CACNA1A: variants seen among roughly 807,000 people sequenced by gnomAD.
CACNA1A encodes voltage-dependent P/Q-type calcium channel subunit alpha-1A.
CACNA1A carries 57 observed loss-of-function variants against 262.4 expected under a neutral mutation model. The observed-to-expected ratio is 0.22, with a 90% confidence interval of 0.18 to 0.27. The LOEUF is 0.27. Ranked by LOEUF, CACNA1A falls within the 10% of genes least tolerant of loss-of-function variation. The probability of loss-of-function intolerance (pLI) is 1.00; values close to 1 mark genes in which losing one functional copy is unlikely to be tolerated. For synonymous variants in CACNA1A, 1,431 were observed against 1,419.3 expected (o/e 1.01, Z -0.18); for missense variants, 2,526 against 3,562.8 (o/e 0.71, Z 7.41).
At chr19:13,447,601 A>C (rs1156610432) in intron 3 of CACNA1A, among the ~76,000 whole-genome samples, 1 of 152,222 alleles carries the variant, frequency 6.6e-6, no homozygotes, top group Admixed American at 6.5e-5. Context: ...AAGGATGAAG[A>C]GCAAGGAAGC....
intron 30 of CACNA1A, among the ~76,000 whole-genome samples, chr19:13,246,154 A>G (rs918115665): frequency 6.6e-6 from 1 of 152,188 alleles, no homozygotes; most frequent in South Asian, 2.1e-4. Context: ...CTCTGCTACC[A>G]CAGCTGTGTG....
chr19:13,359,048 C>T (rs562405079), intron 6 of CACNA1A, among the ~76,000 whole-genome samples: 73 of 152,284 alleles, frequency 4.8e-4, no homozygotes, highest in African/African-American at 1.7e-3. Context: ...AGTTGGGTTA[C>T]GAACAGATCC....
chr19:13,501,155 A>C (rs548889659), intron 1 of CACNA1A, among the ~76,000 whole-genome samples: 1 of 151,718 alleles, frequency 6.6e-6, no homozygotes, highest in South Asian at 2.1e-4. Flanking sequence ...GTATGTCAAA[A>C]GGGTGAATTT....
chr19:13,434,264 C>T (rs539966023), intron 3 of CACNA1A, among the ~76,000 whole-genome samples: 1 of 152,162 alleles, frequency 6.6e-6, no homozygotes, highest in Non-Finnish European at 1.5e-5. Context: ...TCAAGTGATC[C>T]TCCTGTCTCG....
chr19:13,330,280 C>T lies in CACNA1A; in HGVS notation c.1309G>A (p.Glu437Lys). 1 of 1,562,848 alleles carries T rather than the reference C, an allele frequency of 6.4e-7. No homozygotes were observed. The highest frequency in any genetic ancestry group is 8.7e-7 in the Non-Finnish European group (1 of 1,152,654). Residue 437 changes from glutamate to lysine, a missense_variant, in exon 10 of 47, where the codon GAG (glutamate) becomes AAG (lysine). By Grantham distance (56) the Glu-to-Lys change is moderately conservative. Transcript: ENST00000360228. ...ATATCAGCCAGCTGATCCTCAGCCT[C>T]TTCGGGGTTGAGCAAATCTGTCTTG... ...KSKTDLLNPE[E>K]AEDQLADIAS...
At chr19:13,217,934 T>C (rs1009273022) in intron 38 of CACNA1A, among the ~76,000 whole-genome samples, 6 of 149,010 alleles carry the variant, frequency 4.0e-5, no homozygotes, top group African/African-American at 1.5e-4. Flanking sequence ...ATTCTTTTTT[T>C]TTTTTTTTTT....
intron 3 of CACNA1A, among the ~76,000 whole-genome samples, chr19:13,433,514 A>G (rs2060558144): frequency 6.7e-6 from 1 of 149,592 alleles, no homozygotes; most frequent in Admixed American, 6.7e-5. Flanking sequence ...CCCCAGGGAC[A>G]TGGAAACTGG....
chr19:13,285,309 TA>T (rs2057375576), intron 20 of CACNA1A, 103 bp from the exon 21 acceptor site: 2 of 1,300,546 alleles, frequency 1.5e-6, no homozygotes, highest in Non-Finnish European at 2.2e-6. Flanking sequence ...CTGACATTTC[TA>T]AAGTGCCTGC....
At chr19:13,390,522 AC>A (rs879782030) in intron 3 of CACNA1A, among the ~76,000 whole-genome samples, 2 of 152,216 alleles carry the variant, frequency 1.3e-5, no homozygotes, top group African/African-American at 2.4e-5. Flanking sequence ...GGTTTTGAGC[AC>A]TTAAAATGTG....
At chr19:13,418,684 C>T (rs942833618) in intron 3 of CACNA1A, among the ~76,000 whole-genome samples, 6 of 152,006 alleles carry the variant, frequency 3.9e-5, no homozygotes, top group Non-Finnish European at 5.9e-5. Flanking sequence ...TTTGGAGGGA[C>T]CCTGGTGACA....
intron 43 of CACNA1A, chr19:13,210,939 A>C: frequency 1.9e-6 from 1 of 519,648 alleles, no homozygotes; most frequent in Non-Finnish European, 3.5e-6. Context: ...ATGGGACCGA[A>C]AGACAGGACG....
intron 3 of CACNA1A, among the ~76,000 whole-genome samples, chr19:13,422,357 T>C (rs900810725): frequency 6.6e-6 from 1 of 152,016 alleles, no homozygotes; most frequent in Non-Finnish European, 1.5e-5. Flanking sequence ...AGTGGAGAGA[T>C]AACACAGGTG....
intron 1 of CACNA1A, among the ~76,000 whole-genome samples, chr19:13,474,730 T>C (rs529196988): frequency 1.7e-3 from 259 of 151,012 alleles, no homozygotes; most frequent in African/African-American, 6.0e-3. Flanking sequence ...GGCAGGAGAA[T>C]CACTTGAACC....
In CACNA1A at chr19:13,241,992, C is replaced by T. The variant is rs1389082662; in HGVS notation, c.4950+3190G>A. Among the ~76,000 whole-genome samples, 2 of 152,120 alleles carry T rather than the reference C, an allele frequency of 1.3e-5. No homozygotes were observed. The highest frequency in any genetic ancestry group is 1.5e-5 in the Non-Finnish European group (1 of 68,014). ...TCTGGCATTTCCTGTCTCAGCCTGGCCAAGCCCTGGCCTCAGAACTAGTGG... is the reference window on the plus strand; with the variant it reads ...TCTGGCATTTCCTGTCTCAGCCTGGTCAAGCCCTGGCCTCAGAACTAGTGG... On this transcript the variant is annotated intron_variant, in intron 31 of 46. Coordinates refer to ENST00000360228, the MANE Select transcript of CACNA1A (RefSeq NM_001127222.2). The surrounding 1 kb of genome is among the most constrained non-coding windows in gnomAD (Gnocchi z 4.0).
chr19:13,491,148 A>G (rs1386423087), intron 1 of CACNA1A, among the ~76,000 whole-genome samples: 1 of 152,092 alleles, frequency 6.6e-6, no homozygotes, highest in Non-Finnish European at 1.5e-5. Context: ...AAACTTGAGT[A>G]TTTTTCCCTC....
intron 15 of CACNA1A, 79 bp downstream of exon 15, chr19:13,307,703 A>G: frequency 8.7e-7 from 1 of 1,154,582 alleles, no homozygotes; most frequent in Non-Finnish European, 1.3e-6. Flanking sequence ...AGTTCAGGGA[A>G]GCCCCTTGGA....
At chr19:13,418,846 A>G (rs540030277) in intron 3 of CACNA1A, among the ~76,000 whole-genome samples, 7 of 152,146 alleles carry the variant, frequency 4.6e-5, no homozygotes, top group Non-Finnish European at 7.4e-5. Context: ...GTGGTCCCAT[A>G]TGGTTATAAC....
At chr19:13,456,977 C>T (rs192859524) in intron 1 of CACNA1A, among the ~76,000 whole-genome samples, 192 of 151,916 alleles carry the variant, frequency 1.3e-3, no homozygotes, top group African/African-American at 4.3e-3. Context: ...TGGCCAGATG[C>T]GGTGGCTCAT....
At chr19:13,263,416 T>C (rs913344169) in intron 24 of CACNA1A, 1 of 153,926 alleles carries the variant, frequency 6.5e-6, no homozygotes, top group Non-Finnish European at 1.4e-5. Context: ...CAATCTGCCC[T>C]CCTCACCCTC....
Sources: gnomAD v4.1 joint callset for allele counts (sites outside exome capture counted in the v4.1 genomes callset) on GRCh38, gnomAD v4.1.1 for gene constraint, Gnocchi (gnomAD v3.1) non-coding constraint, MANE v1.5 for transcripts, NCBI Gene and HGNC (gene_info 2026-07-23, HGNC 2026-07-21) for gene names.